The following RGS20 variants were observed in gnomAD, a reference collection of about 807,000 sequenced individuals.
The protein encoded by RGS20 is gz-selective GTPase-activating protein.
In RGS20, 30 loss-of-function variants were observed where a neutral mutation model predicts 33.6. That is an observed-to-expected ratio of 0.89 (90% CI 0.67 to 1.21). The LOEUF (loss-of-function observed/expected upper bound fraction) is 1.21, where lower values mean the gene tolerates loss of function less well. RGS20 is among the 50% of genes most tolerant of loss of function. The probability of loss-of-function intolerance (pLI) is 0.00; values close to 1 mark genes in which losing one functional copy is unlikely to be tolerated. For missense variants in RGS20, 472 were observed against 502.4 expected, an observed-to-expected ratio of 0.94 and a Z score of 0.58; for synonymous variants, 208 against 197.9, an observed-to-expected ratio of 1.05 and a Z score of -0.43.
At chr8:53,890,539 A>G (rs1812684719) in intron 2 of RGS20, among the ~76,000 whole-genome samples, 1 of 152,214 alleles carries the variant, frequency 6.6e-6, no homozygotes, top group Non-Finnish European at 1.5e-5. Flanking sequence ...CAAGGATTGA[A>G]TCTCCCTTGG....
chr8:53,938,256 C>T (rs1386409860), intron 2 of RGS20, among the ~76,000 whole-genome samples: 1 of 152,160 alleles, frequency 6.6e-6, no homozygotes, highest in African/African-American at 2.4e-5. Flanking sequence ...AGCCGGAAAC[C>T]GTCATTCTCA....
intron 4 of RGS20, among the ~76,000 whole-genome samples, chr8:53,947,343 GTA>G (rs1204827005): frequency 2.2e-5 from 3 of 136,530 alleles, no homozygotes; most frequent in Non-Finnish European, 3.1e-5. Flanking sequence ...ATATAAGATA[GTA>G]TATATATTAT....
chr8:53,945,239 ATG>A (rs1429390436), intron 3 of RGS20: 1 of 152,194 alleles, frequency 6.6e-6, no homozygotes, highest in Non-Finnish European at 1.5e-5. Context: ...ACGAAATGTG[ATG>A]TGTCTATCCA....
chr8:53,950,699 C>G (rs1425412133), intron 4 of RGS20, among the ~76,000 whole-genome samples: 1 of 151,980 alleles, frequency 6.6e-6, no homozygotes, highest in East Asian at 1.9e-4. Flanking sequence ...ACTGCAACCT[C>G]TGCCTCCTGT....
intron 2 of RGS20, among the ~76,000 whole-genome samples, chr8:53,935,625 C>T (rs1486294526): frequency 6.6e-6 from 1 of 152,038 alleles, no homozygotes; most frequent in African/African-American, 2.4e-5. Context: ...AGCCTACCAA[C>T]CAAAAAAAGG....
intron 2 of RGS20, among the ~76,000 whole-genome samples, chr8:53,893,780 A>G (rs968251629): frequency 2.0e-5 from 3 of 152,254 alleles, no homozygotes; most frequent in Non-Finnish European, 4.4e-5. Flanking sequence ...ATTAACAAAA[A>G]CACCAGAACA....
rs201601707 is a variant in RGS20, at chr8:53,958,458, G to C, written c.1167G>C (p.Ter389TyrextTer20). Residue 389 changes from the stop codon to tyrosine (Y), a stop_lost, in exon 6 of 6, where the codon TAG (stop) becomes TAC (tyrosine). Coordinates refer to ENST00000297313, the MANE Select transcript of RGS20 (RefSeq NM_170587.4). Reference sequence around the variant, plus strand: ...TATCGGAGAAATCTATTGAAGCATAGGATTTTTCAAATATATTTATTATTA... The same window carrying C: ...TATCGGAGAAATCTATTGAAGCATACGATTTTTCAAATATATTTATTATTA... 7.0e-7 allele frequency: 1 copy of C among 1,432,098 alleles called. No individual in the cohort carries two copies. Among genetic ancestry groups the C allele is most frequent in the East Asian group, 2.6e-5 (1 of 38,970 alleles). 88.7% of individuals were successfully genotyped at this position (1,432,098 alleles called of 1,614,324 possible). A position where few individuals can be genotyped will look rare whatever the true frequency, so the allele number is the denominator to read the frequency against.
chr8:53,930,219 G>A (rs1813915764), intron 2 of RGS20, among the ~76,000 whole-genome samples: 1 of 152,192 alleles, frequency 6.6e-6, no homozygotes, highest in Non-Finnish European at 1.5e-5. Flanking sequence ...AACTGTAAGA[G>A]AATTCAATAT....
chr8:53,902,923 G>T (rs561990344), intron 2 of RGS20, among the ~76,000 whole-genome samples: 1 of 152,042 alleles, frequency 6.6e-6, no homozygotes. Context: ...ACAGGATTTC[G>T]CCATGATGGC....
intron 2 of RGS20, among the ~76,000 whole-genome samples, chr8:53,926,718 C>T (rs190003054): frequency 8.0e-4 from 122 of 152,222 alleles, no homozygotes; most frequent in African/African-American, 2.7e-3. Context: ...TCGACACCAG[C>T]CTGGCCAATA....
intron 1 of RGS20, among the ~76,000 whole-genome samples, chr8:53,853,222 C>A (rs1480212671): frequency 6.6e-6 from 1 of 152,146 alleles, no homozygotes; most frequent in Non-Finnish European, 1.5e-5. Context: ...CAAATATACC[C>A]ATTGTATGGT....
At chr8:53,880,233 G>GA (rs1417364376) in intron 2 of RGS20, 1 of 152,424 alleles carries the variant, frequency 6.6e-6, no homozygotes, top group Non-Finnish European at 1.5e-5. Context: ...AGTCCCTGGA[G>GA]AAGGGGACGC....
At chr8:53,866,230 C>T (rs1272947207) in intron 1 of RGS20, among the ~76,000 whole-genome samples, 1 of 152,050 alleles carries the variant, frequency 6.6e-6, no homozygotes, top group Non-Finnish European at 1.5e-5. Context: ...CTTTGAGTAC[C>T]AAGGAATAGG....
chr8:53,920,461 A>G (rs1470248823), intron 2 of RGS20, among the ~76,000 whole-genome samples: 1 of 152,162 alleles, frequency 6.6e-6, no homozygotes, highest in East Asian at 1.9e-4. Context: ...AAGCAAGATC[A>G]TGTCATTTGC....
intron 1 of RGS20, among the ~76,000 whole-genome samples, chr8:53,874,972 A>G (rs1359599690): frequency 6.6e-6 from 1 of 152,226 alleles, no homozygotes; most frequent in Non-Finnish European, 1.5e-5. Flanking sequence ...AAGTAGTTGG[A>G]TTTGGCCAGA....
chr8:53,922,543 T>C (rs1202351719), intron 2 of RGS20, among the ~76,000 whole-genome samples: 3 of 152,216 alleles, frequency 2.0e-5, no homozygotes, highest in Non-Finnish European at 4.4e-5. Flanking sequence ...GTTTTTCTTT[T>C]CACTTTCTAT....
At chr8:53,894,151 C>G (rs1812790299) in intron 2 of RGS20, among the ~76,000 whole-genome samples, 1 of 152,044 alleles carries the variant, frequency 6.6e-6, no homozygotes, top group Non-Finnish European at 1.5e-5. Context: ...GGTTTTTGTC[C>G]TGGGTCTCTG....
intron 2 of RGS20, among the ~76,000 whole-genome samples, chr8:53,927,844 T>C (rs954253146): frequency 8.5e-5 from 13 of 152,266 alleles, no homozygotes; most frequent in African/African-American, 3.1e-4. Flanking sequence ...AATTAGATCC[T>C]ATACCGATGT....
intron 2 of RGS20, among the ~76,000 whole-genome samples, chr8:53,935,938 T>C (rs1814117400): frequency 6.6e-6 from 1 of 152,248 alleles, no homozygotes; most frequent in East Asian, 1.9e-4. Flanking sequence ...GCAAGGCTGG[T>C]TCAACATATG....
Sources: allele counts gnomAD v4.1 joint callset (sites outside exome capture counted in the v4.1 genomes callset), GRCh38; gene constraint gnomAD v4.1.1; transcripts MANE v1.5; gene names NCBI Gene and HGNC (gene_info 2026-07-23, HGNC 2026-07-21).